The following VSIG2 variants were observed in gnomAD, a reference collection of about 807,000 sequenced individuals.
VSIG2 encodes the protein V-set and immunoglobulin domain-containing protein 2.
VSIG2 carries 30 observed loss-of-function variants against 29.4 expected under a neutral mutation model. That is an observed-to-expected ratio of 1.02 (90% CI 0.76 to 1.38). The LOEUF is 1.38. Ranked by LOEUF, VSIG2 falls within the 40% of genes most tolerant of loss-of-function variation. The pLI is 0.00. For missense variants in VSIG2, 421 were observed against 400.8 expected (o/e 1.05, Z -0.43); for synonymous variants, 178 against 174.2 (o/e 1.02, Z -0.17).
At chr11:124,748,247 G>T in intron 6 of VSIG2, 143 bp downstream of exon 6, 1 of 960,480 alleles carries the variant, frequency 1.0e-6, no homozygotes, top group Non-Finnish European at 1.6e-6. Context: ...TTACACTGCT[G>T]CCACCAGCAA....
In VSIG2 at chr11:124,750,697, T is replaced by C; in HGVS notation, c.427+17A>G. 1 of 1,612,268 alleles carries C rather than the reference T, an allele frequency of 6.2e-7. No homozygotes were observed. The highest frequency in any genetic ancestry group is 8.5e-7 in the Non-Finnish European group (1 of 1,179,000). ...TGTGAAAGAGTATGTGGCTCGTGGATCCCCAGTCTGCCTTACCCAGCACAG... is the reference window on the plus strand; with the variant it reads ...TGTGAAAGAGTATGTGGCTCGTGGACCCCCAGTCTGCCTTACCCAGCACAG... On this transcript the variant is annotated intron_variant, in intron 3 of 6. Transcript: ENST00000326621.
In VSIG2 at chr11:124,752,239, T is replaced by G. The variant is rs1297745619; in HGVS notation, c.-102A>C. On this transcript the variant is annotated 5_prime_UTR_variant, in exon 1 of 7. Transcript: ENST00000326621. ...AGCACCCAAGGGCAGCCGCCCGGGC[T>G]GGGCAGGAGCGAGACTGGTATCTCA... 8.0e-6 allele frequency: 10 copies of G among 1,251,204 alleles called. No homozygotes were observed. The highest frequency in any genetic ancestry group is 8.6e-6 in the Non-Finnish European group (8 of 931,068). The allele number at this position is 1,251,204 out of a possible 1,614,324, so 77.5% of individuals were successfully genotyped here.
chr11:124,750,998 G>A, intron 2 of VSIG2, 77 bp from the exon 3 acceptor site: 1 of 1,466,050 alleles, frequency 6.8e-7, no homozygotes, highest in Admixed American at 1.8e-5. Flanking sequence ...TCATCAAAGT[G>A]GGTATAAGAG....
At position 124,752,149 on chromosome 11, in the gene VSIG2, G is replaced by T. The variant is rs753609776; in HGVS notation, c.-12C>A. ...GGGAGCTCGGCCATGGCCGCGTCCG[G>T]CCGTCCTGTCCTGCTCCTGCCAGGT... On this transcript the variant is annotated 5_prime_UTR_variant, in exon 1 of 7. Transcript: ENST00000326621. The T allele has an allele frequency of 5.1e-6, 8 of 1,576,872 alleles. No individual in the cohort carries two copies. The South Asian group carries it at 9.2e-5, about 18-fold the overall frequency.
chr11:124,748,209 C>G (rs985231752), intron 6 of VSIG2, 181 bp downstream of exon 6: 1 of 684,834 alleles, frequency 1.5e-6, no homozygotes, highest in South Asian at 2.0e-5. Flanking sequence ...CACCCTGTAC[C>G]GCTTGCCTGT....
Position 124,749,820 on chromosome 11 carries a change from C to T in VSIG2, c.474G>A (p.Val158=). Residue 158 remains valine (V), a synonymous_variant, in exon 4 of 7, where the codon GTG becomes GTA. Coordinates refer to ENST00000326621, the MANE Select transcript of VSIG2 (RefSeq NM_014312.5). ...TGCATCTCAGTGCAGTAGAGCCTCCCACAGAGGTTTGTCCACTCTGACTGC... is the reference window on the plus strand; with the variant it reads ...TGCATCTCAGTGCAGTAGAGCCTCCTACAGAGGTTTGTCCACTCTGACTGC... ...PLCSQSGQTS[V]GGSTALRCSS... The T allele has an allele frequency of 6.3e-7, 1 of 1,597,380 alleles. No homozygotes were observed. The highest frequency in any genetic ancestry group is 8.5e-7 in the Non-Finnish European group (1 of 1,172,154).
intron 4 of VSIG2, 110 bp from the exon 5 acceptor site, chr11:124,748,873 A>T: frequency 6.5e-7 from 1 of 1,527,232 alleles, no homozygotes. Context: ...GGAGCAACTA[A>T]TTTTTTTTCA....
At position 124,749,884 on chromosome 11, in the gene VSIG2, A is replaced by AAAAAAAAAAAAAAAC. The variant is rs1555108826; in HGVS notation, c.428-19_428-18insGTTTTTTTTTTTTTT. 1.4e-5 allele frequency: 20 copies of AAAAAAAAAAAAAAAC among 1,460,418 alleles called. No homozygotes were observed. The African/African-American group carries it at 2.1e-4, about 15-fold the overall frequency. The allele number at this position is 1,460,418 out of a possible 1,614,324, so 90.5% of individuals were successfully genotyped here. A position where few individuals can be genotyped will look rare whatever the true frequency, so the allele number is the denominator to read the frequency against. On this transcript the variant is annotated intron_variant, in intron 3 of 6. Transcript: ENST00000326621. ...GGGGGGAACTGCAAAAAAAAAAAAA[A>AAAAAAAAAAAAAAAC]AAAAAAAAAAACAGAAAGTTCCTCA...
chr11:124,752,035 G>GC (rs1944092451), intron 1 of VSIG2, 42 bp downstream of exon 1: 1 of 1,540,930 alleles, frequency 6.5e-7, no homozygotes, highest in Non-Finnish European at 8.7e-7. Context: ...CCAGGCCTAT[G>GC]CCCCCCAGCC....
Position 124,748,675 on chromosome 11 carries a change from A to T in VSIG2, c.675T>A (p.Ser225Arg). 1 of 1,613,992 alleles carries T rather than the reference A, an allele frequency of 6.2e-7. No individual in the cohort carries two copies. Among genetic ancestry groups the T allele is most frequent in the Non-Finnish European group, 8.5e-7 (1 of 1,179,940 alleles). ...YRCVATNQMG[S>R]ASCELTLSVT... ...CAGAGAGGGTCAGCTCACAGGATGC[A>T]CTGCCCATCTGGTTGGTGGCCACAC... The change falls in exon 5 of 7, where the codon AGT becomes AGA. Residue 225 changes from serine to arginine, a missense_variant. Coordinates refer to ENST00000326621, the MANE Select transcript of VSIG2 (RefSeq NM_014312.5).
At chr11:124,751,071 T>A in intron 2 of VSIG2, 150 bp from the exon 3 acceptor site, 1 of 806,516 alleles carries the variant, frequency 1.2e-6, no homozygotes, top group Non-Finnish European at 1.9e-6. Flanking sequence ...AAGGTCTCTC[T>A]GTCCCCAAAC....
chr11:124,748,449 G>A lies in VSIG2; in HGVS notation c.792C>T (p.Val264=), dbSNP rs573252754. The A allele has an allele frequency of 6.2e-7, 1 of 1,613,978 alleles. No individual in the cohort carries two copies. Among genetic ancestry groups the A allele is most frequent in the East Asian group, 2.2e-5 (1 of 44,874 alleles). ...TCTTCCCCCTCTCTTTCTGGAACCT[G>A]ACCAGGCAGAACGCAGCAACTGACA... is the stretch of plus-strand genomic sequence containing the variant. ...LLLSVAAFCL[V]RFQKERGKKP... is the part of the protein sequence containing the mutation. The change falls in exon 6 of 7, where the codon GTC becomes GTT. Residue 264 remains valine (V), a synonymous_variant. Transcript: ENST00000326621.
At chr11:124,749,195 A>G (rs1292812210) in intron 4 of VSIG2, among the ~76,000 whole-genome samples, 1 of 152,218 alleles carries the variant, frequency 6.6e-6, no homozygotes, top group African/African-American at 2.4e-5. Flanking sequence ...GGCAGAGCAC[A>G]TACCAGGAAG....
Position 124,748,744 on chromosome 11 carries a change from G to A in VSIG2, c.606C>T (p.Leu202=). ...SMVQDEVSGQ[L]ILTNLSLTSS... ...AGGTCAGGGAGAGGTTGGTGAGAAT[G>A]AGCTGGCCAGACACCTCATCTAGAG... The change falls in exon 5 of 7, where the codon CTC becomes CTT. Residue 202 remains leucine (L), a synonymous_variant. Transcript: ENST00000326621. 6.2e-7 allele frequency: 1 copy of A among 1,614,206 alleles called. No individual in the cohort carries two copies. The highest frequency in any genetic ancestry group is 8.5e-7 in the Non-Finnish European group (1 of 1,180,042).
rs1555108826 is a variant in VSIG2 at position 124,749,884 on chromosome 11, A to AAAAAAAAAAAAAC, written c.428-19_428-18insGTTTTTTTTTTTT. On this transcript the variant is annotated intron_variant, in intron 3 of 6. Coordinates refer to ENST00000326621, the MANE Select transcript of VSIG2 (RefSeq NM_014312.5). ...GGGGGGAACTGCAAAAAAAAAAAAA[A>AAAAAAAAAAAAAC]AAAAAAAAAAACAGAAAGTTCCTCA... 1.5e-4 allele frequency: 216 copies of AAAAAAAAAAAAAC among 1,460,018 alleles called. 2 individuals carry two copies. The African/African-American group carries it at 3.0e-3, about 20-fold the overall frequency. 90.4% of individuals were successfully genotyped at this position (1,460,018 alleles called of 1,614,324 possible).
chr11:124,750,486 C>G (rs1944071684), intron 3 of VSIG2, among the ~76,000 whole-genome samples: 1 of 151,924 alleles, frequency 6.6e-6, no homozygotes, highest in Non-Finnish European at 1.5e-5. Context: ...CTTTCTCTCA[C>G]ACACTCTGTT....
rs1393783700 is a variant in VSIG2 at position 124,747,633 on chromosome 11, T to C, written c.886A>G (p.Thr296Ala). 6.2e-7 allele frequency: 1 copy of C among 1,613,738 alleles called. No homozygotes were observed. The highest frequency in any genetic ancestry group is 8.5e-7 in the Non-Finnish European group (1 of 1,179,866). Residue 296 changes from threonine to alanine, a missense_variant, in exon 7 of 7, where the codon ACT (threonine) becomes GCT (alanine). Thr to Ala is a moderately conservative substitution (Grantham distance 58). Coordinates refer to ENST00000326621, the MANE Select transcript of VSIG2 (RefSeq NM_014312.5). ...DAIAPGISEH[T>A]CMRADSSKGF... The stretch of plus-strand genomic sequence containing the variant: ...TTGCTAGAATCAGCCCTCATACAAG[T>C]GTGCTCAGAGATCCCAGGAGCGATG...
At chr11:124,751,701 C>T (rs186486564) in intron 1 of VSIG2, 121 bp from the exon 2 acceptor site, 2 of 1,147,678 alleles carry the variant, frequency 1.7e-6, no homozygotes, top group African/African-American at 3.1e-5. Context: ...AACCCTCTCC[C>T]CTCAATCCAA....
At position 124,748,590 on chromosome 11, in the gene VSIG2, C is replaced by T. The variant is rs930117522; in HGVS notation, c.706+54G>A. ...TGCAGGCTTTCCTCGGCCCACCAGC[C>T]GACAGCTTCCCCAACACAAGGCTGC... On this transcript the variant is annotated intron_variant, in intron 5 of 6. Transcript: ENST00000326621. The T allele has an allele frequency of 2.5e-5, 40 of 1,606,554 alleles. No homozygotes were observed. The Admixed American group carries it at 3.9e-4, about 16-fold the overall frequency.
Sources: gnomAD v4.1 joint callset for allele counts (sites outside exome capture counted in the v4.1 genomes callset) on GRCh38, gnomAD v4.1.1 for gene constraint, MANE v1.5 for transcripts, NCBI Gene and HGNC (gene_info 2026-07-23, HGNC 2026-07-21) for gene names.